ETV5: variants seen among roughly 807,000 people sequenced by gnomAD.
ETV5 encodes the protein ETS translocation variant 5.
A neutral mutation model predicts 70.0 loss-of-function variants in ETV5; 10 were observed. That is an observed-to-expected ratio of 0.14 (90% CI 0.09 to 0.24). The LOEUF is 0.24. Ranked by LOEUF, ETV5 falls within the 10% of genes least tolerant of loss-of-function variation. The pLI is 1.00. For missense variants in ETV5, 453 were observed against 651.2 expected (o/e 0.70, Z 3.31); for synonymous variants, 216 against 242.2 (o/e 0.89, Z 1.01).
intron 8 of ETV5, 22 bp from the exon 9 acceptor site, chr3:186,064,498 A>G: frequency 6.2e-7 from 1 of 1,613,000 alleles, no homozygotes; most frequent in South Asian, 1.1e-5. Context: ...GCAAAGGTGG[A>G]CACAATCCTG....
chr3:186,075,779 G>A (rs1332422103), intron 7 of ETV5, among the ~76,000 whole-genome samples: 1 of 152,216 alleles, frequency 6.6e-6, no homozygotes, highest in African/African-American at 2.4e-5. Flanking sequence ...GGATTCTTCA[G>A]GTACAGGAGC....
rs753398842 is a variant in ETV5 at position 186,048,113 on chromosome 3, A to C, written c.*526T>G. Reference sequence around the variant, plus strand: ...CCCCCCTTTTTCTAGACAAGGGGTAATATTTCAGATTCAGCTAGAAGAGCT... The same window carrying C: ...CCCCCCTTTTTCTAGACAAGGGGTACTATTTCAGATTCAGCTAGAAGAGCT... On this transcript the variant is annotated 3_prime_UTR_variant, in exon 13 of 13. Coordinates refer to ENST00000306376, the MANE Select transcript of ETV5 (RefSeq NM_004454.3). 8.5e-6 allele frequency: 2 copies of C among 234,572 alleles called. No individual in the cohort carries two copies. The highest frequency in any genetic ancestry group is 1.7e-5 in the Non-Finnish European group (2 of 118,808). 14.5% of individuals were successfully genotyped at this position (234,572 alleles called of 1,614,324 possible).
At chr3:186,053,335 C>CA (rs1305996060) in intron 11 of ETV5, among the ~76,000 whole-genome samples, 2 of 152,204 alleles carry the variant, frequency 1.3e-5, no homozygotes, top group African/African-American at 4.8e-5. Flanking sequence ...CTCCTGACCT[C>CA]AAGTGACCCA....
At chr3:186,080,715 A>C in intron 6 of ETV5, 1 of 235,616 alleles carries the variant, frequency 4.2e-6, no homozygotes, top group Non-Finnish European at 8.3e-6. Context: ...GTTCACATTA[A>C]CATATGATAG....
At chr3:186,073,116 A>T (rs1246136771) in intron 7 of ETV5, among the ~76,000 whole-genome samples, 1 of 152,224 alleles carries the variant, frequency 6.6e-6, no homozygotes, top group Non-Finnish European at 1.5e-5. Context: ...TGTGCGATGG[A>T]GTGAGACTCC....
At chr3:186,071,859 G>A (rs536294123) in intron 7 of ETV5, among the ~76,000 whole-genome samples, 3 of 151,666 alleles carry the variant, frequency 2.0e-5, no homozygotes, top group East Asian at 2.0e-4. Flanking sequence ...GTTCAGTGGC[G>A]CGATCTCGGC....
In ETV5 at chr3:186,081,039, C is replaced by A; in HGVS notation, c.362+7G>T. ...CAGCCTTTCTTCGACTCCTCTTGCC[C>A]ACTCACCAATAGTTGTAGAGGCACT... On this transcript the variant is annotated splice_region_variant and intron_variant, in intron 6 of 12. Coordinates refer to ENST00000306376, the MANE Select transcript of ETV5 (RefSeq NM_004454.3). 1 of 1,604,674 alleles carries A rather than the reference C, an allele frequency of 6.2e-7. No individual in the cohort carries two copies. Among genetic ancestry groups the A allele is most frequent in the South Asian group, 1.1e-5 (1 of 89,696 alleles).
At chr3:186,098,283 C>A (rs1307385536) in intron 5 of ETV5, among the ~76,000 whole-genome samples, 1 of 152,202 alleles carries the variant, frequency 6.6e-6, no homozygotes, top group Non-Finnish European at 1.5e-5. Context: ...AAACAGACTT[C>A]AGTGGTATTT....
intron 5 of ETV5, among the ~76,000 whole-genome samples, chr3:186,102,884 C>T (rs1487214716): frequency 6.6e-6 from 1 of 152,196 alleles, no homozygotes; most frequent in Non-Finnish European, 1.5e-5. Flanking sequence ...GCTCTGCCAG[C>T]TCCTCCTCAT....
At position 186,081,193 on chromosome 3, in the gene ETV5, A is replaced by G; in HGVS notation, c.233-18T>C. 1 of 1,609,114 alleles carries G rather than the reference A, an allele frequency of 6.2e-7. No individual in the cohort carries two copies. The highest frequency in any genetic ancestry group is 1.1e-5 in the South Asian group (1 of 90,544). The stretch of plus-strand genomic sequence containing the variant: ...AAGCACCACTGAAATCAGAAGAGGG[A>G]TGAGAGGGGAATAGAGAGAGAACAG... On this transcript the variant is annotated intron_variant, in intron 5 of 12. Transcript: ENST00000306376.
chr3:186,079,890 C>A lies in ETV5; in HGVS notation c.577G>T (p.Val193Phe). The A allele has an allele frequency of 6.2e-7, 1 of 1,608,690 alleles. No individual in the cohort carries two copies. Among genetic ancestry groups the A allele is most frequent in the Non-Finnish European group, 8.5e-7 (1 of 1,177,834 alleles). The change falls in exon 7 of 13, where the codon GTC (valine) becomes TTC (phenylalanine). Residue 193 changes from valine to phenylalanine, a missense_variant. Physicochemically the swap from Val to Phe is conservative, Grantham distance 50. Coordinates refer to ENST00000306376, the MANE Select transcript of ETV5 (RefSeq NM_004454.3). ...AGGGGCTGATGTGGTGGTCGGGGGACCGCAAATGTTTGCTGCTGTGGTCCA... is the reference window on the plus strand; with the variant it reads ...AGGGGCTGATGTGGTGGTCGGGGGAACGCAAATGTTTGCTGCTGTGGTCCA... Reference protein sequence around the residue: ...EPGPQQQTFAVPRPPHQPLQM... With the variant: ...EPGPQQQTFAFPRPPHQPLQM...
intron 11 of ETV5, among the ~76,000 whole-genome samples, chr3:186,055,554 T>G (rs1713139053): frequency 6.6e-6 from 1 of 152,230 alleles, no homozygotes; most frequent in South Asian, 2.1e-4. Context: ...CATCTAGAGA[T>G]GCTGACACAT....
intron 1 of ETV5, 64 bp from the exon 2 acceptor site, chr3:186,106,006 G>T: frequency 1.0e-5 from 13 of 1,253,856 alleles, no homozygotes; most frequent in Non-Finnish European, 1.5e-5. Context: ...AACAATTTTA[G>T]ACTGCCTTTT....
In ETV5 at chr3:186,057,940, C is replaced by T; in HGVS notation, c.971-449G>A. On this transcript the variant is annotated intron_variant, in intron 9 of 12. Transcript: ENST00000306376. The surrounding 1 kb of genome is among the most constrained non-coding windows in gnomAD (Gnocchi z 4.9). ...CTTTCCTACTAACTCATCCAAGCTA[C>T]TCACATACCTCGTTCAATTACGAAA... 6.6e-6 allele frequency among the ~76,000 whole-genome samples: 1 copy of T among 152,234 alleles called. No homozygotes were observed. Among genetic ancestry groups the T allele is most frequent in the East Asian group, 1.9e-4 (1 of 5,200 alleles).
chr3:186,103,016 G>C (rs1268236291), intron 5 of ETV5, among the ~76,000 whole-genome samples: 1 of 152,128 alleles, frequency 6.6e-6, no homozygotes, highest in African/African-American at 2.4e-5. Flanking sequence ...TATTCTATTT[G>C]AATCTATCCC....
intron 11 of ETV5, among the ~76,000 whole-genome samples, chr3:186,056,075 G>A (rs925337213): frequency 1.3e-5 from 2 of 152,138 alleles, no homozygotes; most frequent in African/African-American, 4.8e-5. Flanking sequence ...GCTATACTGA[G>A]AGCCTGATTT....
intron 11 of ETV5, among the ~76,000 whole-genome samples, chr3:186,055,550 G>C (rs1713138964): frequency 6.6e-6 from 1 of 152,216 alleles, no homozygotes; most frequent in Non-Finnish European, 1.5e-5. Flanking sequence ...AGTCCATCTA[G>C]AGATGCTGAC....
rs1320579761 is a variant in ETV5 at position 186,047,574 on chromosome 3, T to C, written c.*1065A>G. 8.6e-6 allele frequency: 2 copies of C among 232,128 alleles called. No individual in the cohort carries two copies. Among genetic ancestry groups the C allele is most frequent in the Non-Finnish European group, 1.7e-5 (2 of 117,256 alleles). 14.4% of individuals were successfully genotyped at this position (232,128 alleles called of 1,614,324 possible). A position where few individuals can be genotyped will look rare whatever the true frequency, so the allele number is the denominator to read the frequency against. ...ACTATACATAGAGAATCTAAGCTTG[T>C]GTCCAGGCTGCCCTGCACACTTCAA... On this transcript the variant is annotated 3_prime_UTR_variant, in exon 13 of 13. Transcript: ENST00000306376.
chr3:186,078,305 A>G (rs1713846117), intron 7 of ETV5: 1 of 565,964 alleles, frequency 1.8e-6, no homozygotes, highest in Non-Finnish European at 2.4e-6. Flanking sequence ...GTTTGCTAAG[A>G]GTTTCAAATA....
Sources: gnomAD v4.1 joint callset for allele counts (sites outside exome capture counted in the v4.1 genomes callset) on GRCh38, gnomAD v4.1.1 for gene constraint, Gnocchi (gnomAD v3.1) non-coding constraint, MANE v1.5 for transcripts, NCBI Gene and HGNC (gene_info 2026-07-23, HGNC 2026-07-21) for gene names.